NTM: variants seen among roughly 807,000 people sequenced by gnomAD.
NTM encodes the protein IgLON family member 2.
In NTM, 13 loss-of-function variants were observed where a neutral mutation model predicts 42.1. That is an observed-to-expected ratio of 0.31 (90% CI 0.20 to 0.49). The LOEUF (loss-of-function observed/expected upper bound fraction) is 0.49, where lower values mean the gene tolerates loss of function less well. Ranked by LOEUF, NTM falls within the 20% of genes least tolerant of loss-of-function variation. NTM has a pLI of 0.99. For missense variants in NTM, 373 were observed against 452.8 expected (o/e 0.82, Z 1.60); for synonymous variants, 187 against 179.2 (o/e 1.04, Z -0.35).
chr11:131,789,728 A>G lies in NTM; in HGVS notation c.83-121836A>G, dbSNP rs571291444. Among the ~76,000 whole-genome samples, 316 of 148,426 alleles carry G rather than the reference A, an allele frequency of 2.1e-3. 3 individuals carry two copies. Among genetic ancestry groups the G allele is most frequent in the East Asian group, 3.9e-3 (20 of 5,128 alleles). ...TCCCAGCACTTTGGGAGGTGGAGGCAGGCGGATCACGAGGTCAGGAGATCA... is the reference window on the plus strand; with the variant it reads ...TCCCAGCACTTTGGGAGGTGGAGGCGGGCGGATCACGAGGTCAGGAGATCA... On this transcript the variant is annotated intron_variant, in intron 1 of 8. Coordinates refer to ENST00000683400, the MANE Select transcript of NTM (RefSeq NM_001352005.2).
intron 3 of NTM, among the ~76,000 whole-genome samples, chr11:132,188,564 T>A (rs1185799644): frequency 2.6e-5 from 4 of 152,174 alleles, no homozygotes; most frequent in African/African-American, 9.7e-5. Flanking sequence ...GGGGGTTAGC[T>A]TATTATCTTT....
At chr11:131,661,760 CT>C (rs915933457) in intron 1 of NTM, among the ~76,000 whole-genome samples, 10 of 152,114 alleles carry the variant, frequency 6.6e-5, no homozygotes, top group African/African-American at 2.2e-4. Flanking sequence ...TGAAAATGCT[CT>C]TTTTTTTCCC....
At chr11:132,221,489 T>C (rs1405553474) in intron 4 of NTM, among the ~76,000 whole-genome samples, 1 of 152,180 alleles carries the variant, frequency 6.6e-6, no homozygotes, top group Non-Finnish European at 1.5e-5. Context: ...GTAGTCGGTC[T>C]GTCCCCAGAG....
intron 1 of NTM, among the ~76,000 whole-genome samples, chr11:131,665,986 A>G (rs2068976872): frequency 6.6e-6 from 1 of 152,230 alleles, no homozygotes; most frequent in Non-Finnish European, 1.5e-5. Flanking sequence ...TGCTGACTCA[A>G]TTTCTCTTAA....
intron 2 of NTM, among the ~76,000 whole-genome samples, chr11:131,994,004 CA>C (rs745908192): frequency 4.6e-4 from 44 of 95,550 alleles, no homozygotes; most frequent in Middle Eastern, 6.0e-3. Flanking sequence ...ACTCCATCTC[CA>C]AAAAAAAAAA....
intron 1 of NTM, among the ~76,000 whole-genome samples, chr11:131,896,851 G>A (rs922470789): frequency 1.3e-5 from 2 of 151,976 alleles, no homozygotes; most frequent in Non-Finnish European, 2.9e-5. Context: ...ACCAAGCCGG[G>A]CTAATTTTTT....
At chr11:132,125,910 A>G (rs1028409224) in intron 2 of NTM, among the ~76,000 whole-genome samples, 10 of 149,484 alleles carry the variant, frequency 6.7e-5, no homozygotes, top group Non-Finnish European at 1.2e-4. Flanking sequence ...ATGTGTTTGT[A>G]TGTGTGTGTG....
At chr11:131,695,451 G>A (rs1450121765) in intron 1 of NTM, among the ~76,000 whole-genome samples, 1 of 152,170 alleles carries the variant, frequency 6.6e-6, no homozygotes, top group East Asian at 1.9e-4. Context: ...AGAGTGATCC[G>A]ATGAGGCACA....
chr11:131,769,536 C>T (rs1459886385), intron 1 of NTM: 4 of 872,206 alleles, frequency 4.6e-6, no homozygotes, highest in East Asian at 1.2e-4. Flanking sequence ...GTTTCGTTTC[C>T]TTTTTTTTCT....
At chr11:132,157,903 C>T (rs11222958) in intron 3 of NTM, among the ~76,000 whole-genome samples, 65,812 of 151,964 alleles carry the variant, frequency 0.43, 14,601 homozygotes, top group East Asian at 0.64. Flanking sequence ...ATCCTGAGCA[C>T]GTCCTGCTAG....
intron 4 of NTM, among the ~76,000 whole-genome samples, chr11:132,253,036 A>G (rs2092126493): frequency 6.6e-6 from 1 of 152,234 alleles, no homozygotes; most frequent in African/African-American, 2.4e-5. Context: ...TGTTGATTCT[A>G]AAGCCATAGT....
chr11:132,099,727 C>T (rs887471624), intron 2 of NTM, among the ~76,000 whole-genome samples: 16 of 152,286 alleles, frequency 1.1e-4, no homozygotes, highest in Admixed American at 9.8e-4. Context: ...GACCCTGCTA[C>T]TTTCCGGATA....
intron 2 of NTM, among the ~76,000 whole-genome samples, chr11:132,126,677 A>T (rs1322214362): frequency 6.6e-6 from 1 of 152,192 alleles, no homozygotes; most frequent in African/African-American, 2.4e-5. Context: ...AAGGAGAAAG[A>T]GGGCAAGAAT....
At chr11:131,885,101 C>T (rs143681137) in intron 1 of NTM, among the ~76,000 whole-genome samples, 17 of 152,314 alleles carry the variant, frequency 1.1e-4, no homozygotes, top group African/African-American at 3.4e-4. Flanking sequence ...ACAGAGGCCA[C>T]GGCTCTGAGG....
intron 2 of NTM, among the ~76,000 whole-genome samples, chr11:132,024,154 G>A (rs186956925): frequency 6.6e-6 from 1 of 151,946 alleles, no homozygotes; most frequent in African/African-American, 2.4e-5. Context: ...CACAGAGAGG[G>A]AAGGAGGATA....
chr11:132,217,414 T>A (rs59216789), intron 4 of NTM, among the ~76,000 whole-genome samples: 2 of 147,468 alleles, frequency 1.4e-5, no homozygotes, highest in African/African-American at 5.0e-5. Context: ...ATGTGTGGGG[T>A]GTGTGTGTGT....
At chr11:131,646,807 G>A (rs1311851034) in intron 1 of NTM, among the ~76,000 whole-genome samples, 5 of 152,208 alleles carry the variant, frequency 3.3e-5, no homozygotes, top group South Asian at 4.1e-4. Context: ...GTTTTGTTCC[G>A]ATTTTAACCT....
intron 1 of NTM, among the ~76,000 whole-genome samples, chr11:131,745,497 G>GA (rs1306545634): frequency 2.0e-5 from 3 of 152,208 alleles, no homozygotes; most frequent in African/African-American, 7.2e-5. Flanking sequence ...CCCTGGCTTA[G>GA]TACAGCTTTC....
chr11:131,448,769 C>T (rs767492456), intron 1 of NTM, among the ~76,000 whole-genome samples: 2 of 152,310 alleles, frequency 1.3e-5, no homozygotes, highest in East Asian at 1.9e-4. Context: ...CTGCCTGTGG[C>T]GGCCCCAACC....
Sources: gnomAD v4.1 joint callset for allele counts (sites outside exome capture counted in the v4.1 genomes callset) on GRCh38, gnomAD v4.1.1 for gene constraint, MANE v1.5 for transcripts, NCBI Gene and HGNC (gene_info 2026-07-23, HGNC 2026-07-21) for gene names.